Variants in TRDMT1 observed in about 807,000 individuals in gnomAD.
TRDMT1 encodes the protein tRNA aspartic acid methyltransferase 1.
A neutral mutation model predicts 51.2 loss-of-function variants in TRDMT1; 49 were observed. That is an observed-to-expected ratio of 0.96 (90% confidence interval 0.76 to 1.21). TRDMT1 has a LOEUF of 1.21. TRDMT1 is among the 50% of genes most tolerant of loss of function. TRDMT1 has a pLI of 0.00. For synonymous variants in TRDMT1, 187 were observed against 164.6 expected (o/e 1.14, Z -1.04); for missense variants, 534 against 462.3 (o/e 1.16, Z -1.42).
intron 1 of TRDMT1, among the ~76,000 whole-genome samples, chr10:17,190,141 T>G (rs61841814): frequency 0.14 from 20,718 of 152,068 alleles, 1,491 homozygotes; most frequent in Admixed American, 0.17. Flanking sequence ...ACACTTTACC[T>G]AGTCGCTAAA....
chr10:17,182,560 T>C (rs751056989), intron 1 of TRDMT1, among the ~76,000 whole-genome samples: 8 of 152,178 alleles, frequency 5.3e-5, no homozygotes, highest in African/African-American at 1.2e-4. Flanking sequence ...ATCTACAAAA[T>C]AGAAGTATTC....
At chr10:17,173,382 T>A (rs1440830901) in intron 2 of TRDMT1, among the ~76,000 whole-genome samples, 3 of 152,198 alleles carry the variant, frequency 2.0e-5, no homozygotes, top group African/African-American at 7.2e-5. Context: ...ATTATTGATA[T>A]ACAACAAAAC....
rs1455091830 is a variant in TRDMT1, at chr10:17,147,252, T to C, written c.*1788A>G. On this transcript the variant is annotated 3_prime_UTR_variant, in exon 11 of 11. Transcript: ENST00000377799. ...TGTTTACTGAAATTTATGAGACTTG[T>C]AATAGGCTCTGTCTGAACACATATG... is the stretch of plus-strand genomic sequence containing the variant. The C allele has an allele frequency of 3.0e-6, 3 of 985,678 alleles. No individual in the cohort carries two copies. Among genetic ancestry groups the C allele is most frequent in the South Asian group, 9.4e-5 (2 of 21,286 alleles). 61.1% of individuals were successfully genotyped at this position (985,678 alleles called of 1,614,324 possible). A position where few individuals can be genotyped will look rare whatever the true frequency, so the allele number is the denominator to read the frequency against.
intron 6 of TRDMT1, among the ~76,000 whole-genome samples, chr10:17,159,567 C>G (rs1244463529): frequency 1.3e-5 from 2 of 151,982 alleles, no homozygotes; most frequent in African/African-American, 4.8e-5. Context: ...TCAAATATAG[C>G]TATTCTTGGC....
chr10:17,159,255 T>C (rs1284604647), intron 6 of TRDMT1, 26 bp from the exon 7 acceptor site: 7 of 1,545,714 alleles, frequency 4.5e-6, no homozygotes, highest in South Asian at 1.2e-5. Context: ...AGCAGTTAGT[T>C]ACTCTAAAAA....
chr10:17,179,745 C>G, intron 1 of TRDMT1, among the ~76,000 whole-genome samples: 1 of 122,662 alleles, frequency 8.2e-6, no homozygotes, highest in Middle Eastern at 4.5e-3. Flanking sequence ...TGATTCCAAT[C>G]TCTACTAATA....
At chr10:17,193,428 T>G (rs1844969872) in intron 1 of TRDMT1, among the ~76,000 whole-genome samples, 1 of 152,208 alleles carries the variant, frequency 6.6e-6, no homozygotes, top group Admixed American at 6.5e-5. Context: ...ACCAAAAGTC[T>G]ACTGGAACTA....
chr10:17,199,632 G>A (rs755797341), intron 1 of TRDMT1, among the ~76,000 whole-genome samples: 5 of 152,156 alleles, frequency 3.3e-5, no homozygotes, highest in Non-Finnish European at 7.3e-5. Context: ...GAACTCACAA[G>A]CCTGTTAAGA....
At chr10:17,193,478 G>A (rs11254453) in intron 1 of TRDMT1, among the ~76,000 whole-genome samples, 34 of 152,286 alleles carry the variant, frequency 2.2e-4, no homozygotes, top group Non-Finnish European at 4.4e-4. Flanking sequence ...CTAAATTAAT[G>A]TGCAAAAATT....
chr10:17,144,137 C>G lies in TRDMT1; in HGVS notation c.*4903G>C, dbSNP rs1353832235. The G allele has an allele frequency of 7.1e-6, 7 of 985,346 alleles. No homozygotes were observed. Among genetic ancestry groups the G allele is most frequent in the Non-Finnish European group, 8.4e-6 (7 of 829,946 alleles). 61.0% of individuals were successfully genotyped at this position (985,346 alleles called of 1,614,324 possible). ...CTGAGGACGGAACCTTCAGATAAGT[C>G]AGCTCCAAGCCTCTGCTCTTCTTTT... On this transcript the variant is annotated 3_prime_UTR_variant, in exon 11 of 11. Coordinates refer to ENST00000377799, the MANE Select transcript of TRDMT1 (RefSeq NM_004412.7).
chr10:17,201,607 A>G lies in TRDMT1; in HGVS notation c.28T>C (p.Tyr10His). The change falls in exon 1 of 11, where the codon TAC becomes CAC. Residue 10 changes from tyrosine to histidine, a missense_variant. Tyr to His is a moderately conservative substitution (Grantham distance 83, BLOSUM62 2). Transcript: ENST00000377799. MEPLRVLELYSGVGGMHHAL... is the reference protein window; with the variant it reads MEPLRVLELHSGVGGMHHAL... ...TGGTGCATGCCGCCCACGCCGCTGT[A>G]TAGCTCCAGCACCCGCAGGGGCTCC... The G allele has an allele frequency of 9.0e-6, 14 of 1,548,104 alleles. No individual in the cohort carries two copies. Among genetic ancestry groups the G allele is most frequent in the Non-Finnish European group, 1.1e-5 (13 of 1,145,664 alleles).
At chr10:17,177,450 C>T (rs927049602) in intron 1 of TRDMT1, among the ~76,000 whole-genome samples, 2 of 152,052 alleles carry the variant, frequency 1.3e-5, no homozygotes, top group East Asian at 3.9e-4. Context: ...GATCTGCCTG[C>T]CTCAGCCTTC....
rs1837739995 is a variant in TRDMT1 at position 17,142,152 on chromosome 10, T to G, written c.*6888A>C. 3 of 152,248 alleles carry G rather than the reference T, an allele frequency of 2.0e-5. No individual in the cohort carries two copies. In the South Asian group the frequency reaches 6.2e-4, roughly 31 times the overall value. The allele number at this position is 152,248 out of a possible 1,614,324, so 9.4% of individuals were successfully genotyped here. A position where few individuals can be genotyped will look rare whatever the true frequency, so the allele number is the denominator to read the frequency against. On this transcript the variant is annotated 3_prime_UTR_variant, in exon 11 of 11. Transcript: ENST00000377799. ...AATTCCAACATCTGATTTGTCTCAGTGTTGTCATCTGTTGACTGTCATTTC... is the reference window on the plus strand; with the variant it reads ...AATTCCAACATCTGATTTGTCTCAGGGTTGTCATCTGTTGACTGTCATTTC...
chr10:17,156,128 T>A (rs536879802), intron 8 of TRDMT1, among the ~76,000 whole-genome samples: 1 of 152,210 alleles, frequency 6.6e-6, no homozygotes, highest in East Asian at 1.9e-4. Context: ...TATTAATAGC[T>A]AGCTAGAAGG....
At chr10:17,175,348 A>G (rs1842499471) in intron 1 of TRDMT1, among the ~76,000 whole-genome samples, 1 of 152,238 alleles carries the variant, frequency 6.6e-6, no homozygotes, top group Non-Finnish European at 1.5e-5. Flanking sequence ...GCTGGTGAAG[A>G]AAACCATTTT....
rs904616480 is a variant in TRDMT1 at position 17,140,868 on chromosome 10, T to C, written c.*8172A>G. On this transcript the variant is annotated 3_prime_UTR_variant, in exon 11 of 11. Coordinates refer to ENST00000377799, the MANE Select transcript of TRDMT1 (RefSeq NM_004412.7). The stretch of plus-strand genomic sequence containing the variant: ...ATTTCACAGTTATAATCATTAGCTA[T>C]ACGTTAGGTGTCTTCCTTTCATCTT... 6.6e-6 allele frequency among the ~76,000 whole-genome samples: 1 copy of C among 152,250 alleles called. No homozygotes were observed. The highest frequency in any genetic ancestry group is 1.5e-5 in the Non-Finnish European group (1 of 68,044).
At position 17,201,611 on chromosome 10, in the gene TRDMT1, C is replaced by G. The variant is rs757797486; in HGVS notation, c.24G>C (p.Glu8Asp). Residue 8 changes from glutamate to aspartate, a missense_variant, in exon 1 of 11, where the codon GAG becomes GAC. Physicochemically the swap from Glu to Asp is conservative, Grantham distance 45. Coordinates refer to ENST00000377799, the MANE Select transcript of TRDMT1 (RefSeq NM_004412.7). MEPLRVL[E>D]LYSGVGGMHH... The stretch of plus-strand genomic sequence containing the variant: ...GCATGCCGCCCACGCCGCTGTATAG[C>G]TCCAGCACCCGCAGGGGCTCCATCC... 4.5e-6 allele frequency: 7 copies of G among 1,547,258 alleles called. No individual in the cohort carries two copies. The highest frequency in any genetic ancestry group is 1.4e-5 in the African/African-American group (1 of 72,918).
chr10:17,174,262 C>T (rs1008609291), intron 2 of TRDMT1, among the ~76,000 whole-genome samples: 1 of 152,048 alleles, frequency 6.6e-6, no homozygotes, highest in Admixed American at 6.5e-5. Flanking sequence ...AATACTTTTT[C>T]GAAGTTCAAT....
At position 17,162,247 on chromosome 10, in the gene TRDMT1, TAAAAAAAAAAA is replaced by T; in HGVS notation, c.252-21_252-11del. 1 of 1,352,330 alleles carries T rather than the reference TAAAAAAAAAAA, an allele frequency of 7.4e-7. No individual in the cohort carries two copies. Among genetic ancestry groups the T allele is most frequent in the Non-Finnish European group, 1.0e-6 (1 of 1,004,718 alleles). 83.8% of individuals were successfully genotyped at this position (1,352,330 alleles called of 1,614,324 possible). A position where few individuals can be genotyped will look rare whatever the true frequency, so the allele number is the denominator to read the frequency against. ...ACCCTGCCGGCCAATCCTAAAGGGG[TAAAAAAAAAAA>T]AAAACAAAAAAAAACACAGAAAGTT... On this transcript the variant is annotated splice_polypyrimidine_tract_variant and intron_variant, in intron 3 of 10. Transcript: ENST00000377799.
Sources: allele counts gnomAD v4.1 joint callset (sites outside exome capture counted in the v4.1 genomes callset), GRCh38; gene constraint gnomAD v4.1.1; transcripts MANE v1.5; gene names NCBI Gene and HGNC (gene_info 2026-07-23, HGNC 2026-07-21).